The following NKAIN2 variants were observed in gnomAD, a reference collection of about 807,000 sequenced individuals.
The protein encoded by NKAIN2 is sodium/potassium-transporting ATPase subunit beta-1-interacting protein 2.
Under a neutral mutation model 32.6 loss-of-function variants are expected in NKAIN2, and 14 were observed. The ratio of observed to expected loss-of-function variants is 0.43; its 90% CI spans 0.28 to 0.67. The LOEUF (loss-of-function observed/expected upper bound fraction) is 0.67. Ranked by LOEUF, NKAIN2 falls within the 30% of genes least tolerant of loss-of-function variation. NKAIN2 has a pLI of 0.17. For synonymous variants in NKAIN2, 80 were observed against 87.2 expected, an observed-to-expected ratio of 0.92 and a Z score of 0.46; for missense variants, 198 against 258.3, an observed-to-expected ratio of 0.77 and a Z score of 1.60.
intron 1 of NKAIN2, among the ~76,000 whole-genome samples, chr6:124,053,649 A>G (rs1465296937): frequency 3.3e-5 from 5 of 152,040 alleles, no homozygotes; most frequent in African/African-American, 1.2e-4. Flanking sequence ...TTTCCTAAGG[A>G]GTGGATTTGG....
chr6:124,675,306 G>A (rs1210160066), intron 4 of NKAIN2, among the ~76,000 whole-genome samples: 1 of 151,980 alleles, frequency 6.6e-6, no homozygotes, highest in African/African-American at 2.4e-5. Flanking sequence ...AGTATTTGTT[G>A]AAGATGTAAA....
intron 4 of NKAIN2, among the ~76,000 whole-genome samples, chr6:124,771,509 A>G (rs1438555767): frequency 6.6e-6 from 1 of 152,182 alleles, no homozygotes; most frequent in African/African-American, 2.4e-5. Flanking sequence ...AAAATGATTG[A>G]GAGTTCTATT....
At chr6:124,168,981 T>C (rs1276580909) in intron 1 of NKAIN2, among the ~76,000 whole-genome samples, 1 of 152,156 alleles carries the variant, frequency 6.6e-6, no homozygotes, top group East Asian at 1.9e-4. Flanking sequence ...GTAAAGCTAG[T>C]TAAAAAATTC....
At chr6:124,284,231 T>C (rs1795443245) in intron 2 of NKAIN2, among the ~76,000 whole-genome samples, 1 of 152,210 alleles carries the variant, frequency 6.6e-6, no homozygotes, top group Admixed American at 6.5e-5. Context: ...AGTTTTTTAA[T>C]GCACAAGATA....
chr6:124,329,049 T>C (rs535799849), intron 2 of NKAIN2, among the ~76,000 whole-genome samples: 3 of 152,308 alleles, frequency 2.0e-5, no homozygotes, highest in Admixed American at 2.0e-4. Context: ...CTGCTGCAGA[T>C]GGTTGTGAGA....
At chr6:124,684,247 A>G (rs1003175339) in intron 4 of NKAIN2, among the ~76,000 whole-genome samples, 18 of 152,142 alleles carry the variant, frequency 1.2e-4, no homozygotes, top group African/African-American at 4.3e-4. Context: ...CCATTTTTTA[A>G]AAGACATAAC....
intron 5 of NKAIN2, among the ~76,000 whole-genome samples, chr6:124,798,827 C>A (rs757294138): frequency 6.6e-5 from 10 of 152,148 alleles, no homozygotes; most frequent in African/African-American, 9.7e-5. Flanking sequence ...ATACAGTACA[C>A]ACTGATTCAC....
intron 1 of NKAIN2, among the ~76,000 whole-genome samples, chr6:124,073,036 G>A (rs1166119195): frequency 6.6e-6 from 1 of 152,166 alleles, no homozygotes; most frequent in Admixed American, 6.6e-5. Context: ...GCAGGTAGAT[G>A]ATTTAGTCCT....
chr6:124,221,528 C>T (rs541497737), intron 1 of NKAIN2, among the ~76,000 whole-genome samples: 36 of 151,620 alleles, frequency 2.4e-4, no homozygotes, highest in South Asian at 6.2e-4. Context: ...GCACAATGTG[C>T]ACATGTGCCC....
intron 4 of NKAIN2, among the ~76,000 whole-genome samples, chr6:124,745,956 G>A (rs1165400774): frequency 6.6e-6 from 1 of 151,850 alleles, no homozygotes. Context: ...AGCAATGGGG[G>A]ATGTTTCCAG....
chr6:124,348,470 G>A (rs1798549801), intron 2 of NKAIN2, among the ~76,000 whole-genome samples: 1 of 152,226 alleles, frequency 6.6e-6, no homozygotes, highest in Non-Finnish European at 1.5e-5. Flanking sequence ...GCCTCCTTGA[G>A]CTGTGGTGGG....
rs536930892 is a variant in NKAIN2, at chr6:124,565,197, T to C, written c.274-92989T>C. On this transcript the variant is annotated intron_variant, in intron 3 of 6. Coordinates refer to ENST00000368417, the MANE Select transcript of NKAIN2 (RefSeq NM_001040214.3). ...CCTTAACTTTGCATATCCAGAAACT[T>C]GATTCTTAGTGCTCAGGCAGAATGA... Among the ~76,000 whole-genome samples the C allele has an allele frequency of 1.2e-4, 19 of 152,244 alleles. 1 individual carries two copies. In the South Asian group the frequency reaches 3.9e-3, roughly 32 times the overall value.
At chr6:123,988,116 G>A (rs2114681327) in intron 1 of NKAIN2, among the ~76,000 whole-genome samples, 1 of 152,104 alleles carries the variant, frequency 6.6e-6, no homozygotes, top group Non-Finnish European at 1.5e-5. Context: ...ATTGGAGATG[G>A]GAGATCAGCT....
chr6:124,725,575 G>T (rs1776241867), intron 4 of NKAIN2, among the ~76,000 whole-genome samples: 1 of 152,070 alleles, frequency 6.6e-6, no homozygotes, highest in Non-Finnish European at 1.5e-5. Context: ...ACCCAAACTT[G>T]GCCATTACAT....
At chr6:124,017,535 C>A (rs1780637406) in intron 1 of NKAIN2, among the ~76,000 whole-genome samples, 1 of 152,164 alleles carries the variant, frequency 6.6e-6, no homozygotes, top group Non-Finnish European at 1.5e-5. Context: ...AAGTTAGTTA[C>A]TTCCTAGATA....
At chr6:124,277,920 C>A (rs56757738) in intron 1 of NKAIN2, among the ~76,000 whole-genome samples, 12,982 of 151,732 alleles carry the variant, frequency 0.086, 915 homozygotes, top group African/African-American at 0.19. Flanking sequence ...TTCAAAAGCC[C>A]ATTTTTTCTC....
intron 1 of NKAIN2, among the ~76,000 whole-genome samples, chr6:123,877,382 G>C (rs2114310981): frequency 6.6e-6 from 1 of 152,196 alleles, no homozygotes; most frequent in Admixed American, 6.5e-5. Context: ...GATCATAATA[G>C]CTGAAGCTTT....
intron 2 of NKAIN2, among the ~76,000 whole-genome samples, chr6:124,347,134 C>CTTTTCTTAAAGAAAAAACA (rs1193877191): frequency 6.9e-6 from 1 of 145,868 alleles, no homozygotes; most frequent in African/African-American, 2.5e-5. Context: ...CTTGAAAATT[C>CTTTTCTTAAAGAAAAAACA]TTTTCTTTAA....
chr6:124,284,962 A>G (rs1297173391), intron 2 of NKAIN2, among the ~76,000 whole-genome samples: 12 of 152,166 alleles, frequency 7.9e-5, no homozygotes, highest in Non-Finnish European at 1.5e-4. Context: ...ATCCTTTTGA[A>G]TAAAGACGTA....
Sources: gnomAD v4.1 joint callset for allele counts (sites outside exome capture counted in the v4.1 genomes callset) on GRCh38, gnomAD v4.1.1 for gene constraint, MANE v1.5 for transcripts, NCBI Gene and HGNC (gene_info 2026-07-23, HGNC 2026-07-21) for gene names.